C19orf38: variants seen among roughly 807,000 people sequenced by gnomAD.
C19orf38 encodes the protein protein HIDE1.
A neutral mutation model predicts 26.6 loss-of-function variants in C19orf38; 14 were observed. The observed-to-expected ratio is 0.53, with a 90% CI of 0.35 to 0.82. The LOEUF is 0.82. Ranked by LOEUF, C19orf38 falls within the 40% of genes least tolerant of loss-of-function variation. C19orf38 has a pLI of 0.01. For missense variants in C19orf38, 261 were observed against 299.5 expected (o/e 0.87, Z 0.95); for synonymous variants, 132 against 128.5 (o/e 1.03, Z -0.18).
chr19:10,867,608 A>C, intron 6 of C19orf38, among the ~76,000 whole-genome samples: 1 of 142,730 alleles, frequency 7.0e-6, no homozygotes, highest in African/African-American at 2.6e-5. Flanking sequence ...CAAGAGCGAA[A>C]CTCCATCTCA....
At chr19:10,841,656 G>A (rs1265746349) in intron 1 of C19orf38, among the ~76,000 whole-genome samples, 1 of 151,894 alleles carries the variant, frequency 6.6e-6, no homozygotes, top group Non-Finnish European at 1.5e-5. Flanking sequence ...AATATTTACT[G>A]AGCCTCTGAC....
intron 2 of C19orf38, among the ~76,000 whole-genome samples, chr19:10,852,534 C>T (rs1249800453): frequency 6.6e-6 from 1 of 152,200 alleles, no homozygotes; most frequent in Non-Finnish European, 1.5e-5. Context: ...GAAGCCCTCT[C>T]TGAGGAGGTG....
At chr19:10,849,689 T>C (rs1482224226) in intron 1 of C19orf38, among the ~76,000 whole-genome samples, 2 of 151,116 alleles carry the variant, frequency 1.3e-5, no homozygotes, top group African/African-American at 4.9e-5. Context: ...ATTTTGTCTC[T>C]AAATAAATAA....
chr19:10,854,528 A>T (rs1295788343), intron 2 of C19orf38, among the ~76,000 whole-genome samples: 2 of 152,078 alleles, frequency 1.3e-5, no homozygotes, highest in African/African-American at 4.8e-5. Flanking sequence ...TGGAGTAGGG[A>T]GCTGACAACA....
At chr19:10,843,888 G>A (rs147213966), upstream of C19orf38, among the ~76,000 whole-genome samples, 217 of 152,226 alleles carry the variant, frequency 1.4e-3, 1 homozygote, top group African/African-American at 5.1e-3. Context: ...GGAGGTGGGC[G>A]GATCATTCGA....
intron 6 of C19orf38, among the ~76,000 whole-genome samples, chr19:10,865,047 C>T (rs1002018359): frequency 2.0e-5 from 3 of 152,224 alleles, no homozygotes; most frequent in Non-Finnish European, 4.4e-5. Flanking sequence ...ATAAGAAAAA[C>T]CCGGCAGGCA....
chr19:10,857,739 G>A (rs969515004), intron 3 of C19orf38, among the ~76,000 whole-genome samples: 60 of 151,528 alleles, frequency 4.0e-4, no homozygotes, highest in Middle Eastern at 3.4e-3. Flanking sequence ...AAATTAGCCG[G>A]GCGTGGTGGT....
upstream of C19orf38, among the ~76,000 whole-genome samples, chr19:10,845,166 A>C (rs1400871692): frequency 6.6e-6 from 1 of 151,968 alleles, no homozygotes; most frequent in African/African-American, 2.4e-5. Flanking sequence ...TCTCCAAAAA[A>C]AAAAAAAGGC....
intron 3 of C19orf38, among the ~76,000 whole-genome samples, chr19:10,857,795 C>T (rs1198222252): frequency 6.6e-6 from 1 of 151,460 alleles, no homozygotes; most frequent in Non-Finnish European, 1.5e-5. Context: ...GCAGAAGAAT[C>T]GCTTGAACCT....
chr19:10,840,451 G>T (rs1013853710), intron 1 of C19orf38, among the ~76,000 whole-genome samples: 1 of 152,246 alleles, frequency 6.6e-6, no homozygotes, highest in African/African-American at 2.4e-5. Flanking sequence ...GGGATTACAG[G>T]CACATGCCAA....
chr19:10,848,147 C>T (rs1198467894), upstream of C19orf38, among the ~76,000 whole-genome samples: 1 of 152,102 alleles, frequency 6.6e-6, no homozygotes, highest in Admixed American at 6.5e-5. Flanking sequence ...GCCGAGATCG[C>T]TCCACTGCAC....
At position 10,861,262 on chromosome 19, in the gene C19orf38, G is replaced by A. The variant is rs1007750006; in HGVS notation, c.505+1304G>A. ...TGGGGAAAGGACCATGTCTATCTCC[G>A]GGACTCCAGGGCCACACTTGCCTTC... On this transcript the variant is annotated intron_variant, in intron 5 of 6. Transcript: ENST00000397820. Among the ~76,000 whole-genome samples, 12 of 152,290 alleles carry A rather than the reference G, an allele frequency of 7.9e-5. No homozygotes were observed. The South Asian group carries it at 2.3e-3, about 29-fold the overall frequency.
chr19:10,842,354 G>A (rs538539409), intron 1 of C19orf38: 74 of 577,144 alleles, frequency 1.3e-4, no homozygotes, highest in Middle Eastern at 4.7e-4. Flanking sequence ...TCCGCCTCCC[G>A]GGTTCACACC....
chr19:10,864,904 A>G (rs183574416), intron 6 of C19orf38, among the ~76,000 whole-genome samples: 29 of 152,290 alleles, frequency 1.9e-4, no homozygotes, highest in African/African-American at 6.5e-4. Flanking sequence ...AGGGGAGTCT[A>G]CAGTTCAGGA....
Position 10,859,362 on chromosome 19 carries a change from ATATATATATATATATATATATATTTTTT to A in C19orf38, c.462-551_462-524del, listed in dbSNP as rs1353035104. Among the ~76,000 whole-genome samples the A allele has an allele frequency of 2.2e-3, 81 of 37,656 alleles. 1 individual carries two copies. The highest frequency in any genetic ancestry group is 0.012 in the African/African-American group (78 of 6,448). 24.7% of individuals were successfully genotyped at this position (37,656 alleles called of 152,430 possible). A position where few individuals can be genotyped will look rare whatever the true frequency, so the allele number is the denominator to read the frequency against. On this transcript the variant is annotated intron_variant, in intron 4 of 6. Transcript: ENST00000397820. ...TGTGTGTGTGTGTATATATATATAT[ATATATATATATATATATATATATTTTTT>A]TTTTTTTTTTTAGACGGAGTCTCAC...
In C19orf38 at chr19:10,856,344, G is replaced by A. The variant is rs2073625143; in HGVS notation, c.420G>A (p.Leu140=). The A allele has an allele frequency of 1.3e-6, 2 of 1,551,122 alleles. No individual in the cohort carries two copies. Among genetic ancestry groups the A allele is most frequent in the Non-Finnish European group, 1.7e-6 (2 of 1,146,602 alleles). ...TTGCTGGGCTGGTGGCTGTTGCCCT[G>A]GTGGTCAGAAAAGGTAACAGCACGC... ...FLLAGLVAVA[L]VVRKVKLRNL... The change falls in exon 3 of 7, where the codon CTG becomes CTA. Residue 140 remains leucine, a synonymous_variant. Transcript: ENST00000397820.
chr19:10,852,678 G>C (rs556792932), intron 2 of C19orf38, among the ~76,000 whole-genome samples: 2 of 152,190 alleles, frequency 1.3e-5, no homozygotes, highest in African/African-American at 4.8e-5. Context: ...GAGGAGCCCA[G>C]TATGGCTGAA....
chr19:10,869,460 C>T lies in C19orf38; in HGVS notation c.*93C>T. 7.1e-7 allele frequency: 1 copy of T among 1,418,102 alleles called. No individual in the cohort carries two copies. Among genetic ancestry groups the T allele is most frequent in the Admixed American group, 2.8e-5 (1 of 35,610 alleles). The allele number at this position is 1,418,102 out of a possible 1,614,324, so 87.8% of individuals were successfully genotyped here. A position where few individuals can be genotyped will look rare whatever the true frequency, so the allele number is the denominator to read the frequency against. ...GGGGGGGCTCTGTCAGCCACTTTCTCAGGGAATTGGACAGAGGAAAGGAAG... is the reference window on the plus strand; with the variant it reads ...GGGGGGGCTCTGTCAGCCACTTTCTTAGGGAATTGGACAGAGGAAAGGAAG... On this transcript the variant is annotated 3_prime_UTR_variant, in exon 7 of 7. Transcript: ENST00000397820.
At chr19:10,848,802 A>G (rs2073540603) in intron 1 of C19orf38, among the ~76,000 whole-genome samples, 1 of 151,244 alleles carries the variant, frequency 6.6e-6, no homozygotes, top group Non-Finnish European at 1.5e-5. Flanking sequence ...CCCACACCCC[A>G]TGATTCAGCC....
Sources: allele counts gnomAD v4.1 joint callset (sites outside exome capture counted in the v4.1 genomes callset), GRCh38; gene constraint gnomAD v4.1.1; transcripts MANE v1.5; gene names NCBI Gene and HGNC (gene_info 2026-07-23, HGNC 2026-07-21).